EED: variants seen among roughly 807,000 people sequenced by gnomAD.
EED encodes polycomb protein EED.
EED carries 9 observed loss-of-function variants against 61.0 expected under a neutral mutation model. The ratio of observed to expected loss-of-function variants is 0.15; its 90% CI spans 0.09 to 0.26. EED has a LOEUF of 0.26. EED is among the 10% of genes least tolerant of loss of function. The pLI, the probability that EED is intolerant of heterozygous loss-of-function variation, is 1.00. For synonymous variants in EED, 187 were observed against 174.4 expected (o/e 1.07, Z -0.57); for missense variants, 315 against 542.3 (o/e 0.58, Z 4.16).
At chr11:86,261,557 G>A (rs1018790476) in intron 6 of EED, among the ~76,000 whole-genome samples, 1 of 152,238 alleles carries the variant, frequency 6.6e-6, no homozygotes, top group African/African-American at 2.4e-5. Context: ...TCCACCAGGT[G>A]TTGCTGTAGT....
At position 86,257,543 on chromosome 11, in the gene EED, A is replaced by G. The variant is rs1945710855; in HGVS notation, c.581A>G (p.Asn194Ser). 2 of 1,612,342 alleles carry G rather than the reference A, an allele frequency of 1.2e-6. No individual in the cohort carries two copies. The highest frequency in any genetic ancestry group is 1.7e-6 in the Non-Finnish European group (2 of 1,179,238). Reference protein sequence around the residue: ...KHYVGHGNAINELKFHPRDPN... With the variant: ...KHYVGHGNAISELKFHPRDPN... ...TATGTTGGCCATGGAAATGCTATCAATGAGCTGAAATTCCATCCAAGAGAT... is the reference window on the plus strand; with the variant it reads ...TATGTTGGCCATGGAAATGCTATCAGTGAGCTGAAATTCCATCCAAGAGAT... Residue 194 changes from asparagine to serine, a missense_variant, in exon 6 of 12, where the codon AAT (asparagine) becomes AGT (serine). Asn to Ser is a conservative substitution (Grantham distance 46). This residue lies in a region of EED where 205 missense variants were observed against 455.4 expected (regional missense o/e 0.45). Transcript: ENST00000263360.
chr11:86,256,874 G>T (rs1007376036), intron 5 of EED, among the ~76,000 whole-genome samples: 1 of 152,186 alleles, frequency 6.6e-6, no homozygotes, highest in Non-Finnish European at 1.5e-5. Context: ...ACATAAAGGT[G>T]AAGCCTAGGA....
chr11:86,263,515 T>C (rs1945893836), intron 6 of EED, among the ~76,000 whole-genome samples: 1 of 152,214 alleles, frequency 6.6e-6, no homozygotes, highest in South Asian at 2.1e-4. Flanking sequence ...GATGGATTAA[T>C]TAATTTCTTT....
At position 86,257,539 on chromosome 11, in the gene EED, A is replaced by G. The variant is rs374964622; in HGVS notation, c.577A>G (p.Ile193Val). The change falls in exon 6 of 12, where the codon ATC (isoleucine) becomes GTC (valine). Residue 193 changes from isoleucine to valine, a missense_variant. This residue lies in a region of EED where 205 missense variants were observed against 455.4 expected (regional missense o/e 0.45). Transcript: ENST00000263360. ...IKHYVGHGNA[I>V]NELKFHPRDP... ...GCACTATGTTGGCCATGGAAATGCT[A>G]TCAATGAGCTGAAATTCCATCCAAG... The G allele has an allele frequency of 9.3e-6, 15 of 1,612,240 alleles. No individual in the cohort carries two copies. The highest frequency in any genetic ancestry group is 2.7e-5 in the African/African-American group (2 of 74,860).
At chr11:86,275,139 G>A (rs1946199638) in intron 9 of EED, among the ~76,000 whole-genome samples, 1 of 152,064 alleles carries the variant, frequency 6.6e-6, no homozygotes, top group Non-Finnish European at 1.5e-5. Flanking sequence ...GAAACTCAAC[G>A]GTTATCGTTT....
downstream of EED, among the ~76,000 whole-genome samples, chr11:86,281,960 G>T (rs1946329086): frequency 6.6e-6 from 1 of 152,130 alleles, no homozygotes; most frequent in African/African-American, 2.4e-5. Context: ...GACAAGACAG[G>T]GTTGTTTTTC....
chr11:86,263,950 T>C (rs1038546784), intron 6 of EED: 49 of 506,944 alleles, frequency 9.7e-5, no homozygotes, highest in Admixed American at 3.7e-4. Context: ...GGGATTGAGT[T>C]TCTAGCACAT....
intron 6 of EED, among the ~76,000 whole-genome samples, chr11:86,263,320 C>T (rs1945886205): frequency 6.6e-6 from 1 of 152,218 alleles, no homozygotes; most frequent in African/African-American, 2.4e-5. Context: ...GCTCCACTCA[C>T]ACCAATATAG....
Position 86,256,604 on chromosome 11 carries a change from T to C in EED, c.552+92T>C, listed in dbSNP as rs1593734353. ...TTAAATTTAAAACTAATGGTATGAA[T>C]GTAACATTTCTCATTTGATTTGTAC... On this transcript the variant is annotated intron_variant, in intron 5 of 11. Coordinates refer to ENST00000263360, the MANE Select transcript of EED (RefSeq NM_003797.5). 4.0e-5 allele frequency: 49 copies of C among 1,227,676 alleles called. No individual in the cohort carries two copies. The East Asian group carries it at 1.3e-3, about 32-fold the overall frequency. 76.0% of individuals were successfully genotyped at this position (1,227,676 alleles called of 1,614,324 possible). A position where few individuals can be genotyped will look rare whatever the true frequency, so the allele number is the denominator to read the frequency against.
chr11:86,270,503 AT>A (rs1946090317), intron 9 of EED, among the ~76,000 whole-genome samples: 1 of 152,004 alleles, frequency 6.6e-6, no homozygotes, highest in South Asian at 2.1e-4. Flanking sequence ...CACAGAGCAA[AT>A]GTTTGTAGTT....
chr11:86,256,525 G>C lies in EED; in HGVS notation c.552+13G>C, dbSNP rs1280866336. On this transcript the variant is annotated intron_variant, in intron 5 of 11. Transcript: ENST00000263360. ...GCAGTGTATAAAGGTGGGTTTTTCT[G>C]GTTAAATTGTAGATCTGCTTCTTTT... 2 of 1,537,390 alleles carry C rather than the reference G, an allele frequency of 1.3e-6. No homozygotes were observed. Among genetic ancestry groups the C allele is most frequent in the Non-Finnish European group, 1.8e-6 (2 of 1,136,000 alleles).
chr11:86,286,237 C>T, the EED span, among the ~76,000 whole-genome samples: 2 of 150,616 alleles, frequency 1.3e-5, no homozygotes, highest in African/African-American at 2.4e-5. Flanking sequence ...GACGGGGTTT[C>T]GCCATGTTGG....
At chr11:86,279,388 G>A (rs1946298235), downstream of EED, among the ~76,000 whole-genome samples, 1 of 152,188 alleles carries the variant, frequency 6.6e-6, no homozygotes, top group African/African-American at 2.4e-5. Flanking sequence ...CTAGAAGGAT[G>A]TTACTGGCTA....
intron 9 of EED, among the ~76,000 whole-genome samples, chr11:86,275,388 C>T (rs572074115): frequency 5.9e-5 from 9 of 152,250 alleles, no homozygotes; most frequent in Non-Finnish European, 1.5e-5. Flanking sequence ...TATTGGTGGT[C>T]TCAAATCTGG....
At chr11:86,275,086 T>C (rs972671034) in intron 9 of EED, among the ~76,000 whole-genome samples, 5 of 152,162 alleles carry the variant, frequency 3.3e-5, no homozygotes, top group African/African-American at 1.2e-4. Flanking sequence ...TGCTGCCTTC[T>C]CTCTTATCTA....
Position 86,244,775 on chromosome 11 carries a change from A to C in EED, c.-455A>C. The C allele has an allele frequency of 4.3e-6, 1 of 232,280 alleles. No individual in the cohort carries two copies. 14.4% of individuals were successfully genotyped at this position (232,280 alleles called of 1,614,324 possible). A position where few individuals can be genotyped will look rare whatever the true frequency, so the allele number is the denominator to read the frequency against. ...CCCATTCCACAGACTTTCGCTCCCT[A>C]GCAGCGGGTCGGAGATCGAAGGAAC... On this transcript the variant is annotated 5_prime_UTR_variant, in exon 1 of 12. Transcript: ENST00000263360.
At chr11:86,258,926 G>T (rs1235657311) in intron 6 of EED, among the ~76,000 whole-genome samples, 1 of 151,438 alleles carries the variant, frequency 6.6e-6, no homozygotes, top group African/African-American at 2.4e-5. Context: ...GAGTGCAATG[G>T]CTCTATCTCG....
At chr11:86,287,171 A>G in the EED span, among the ~76,000 whole-genome samples, 8 of 151,874 alleles carry the variant, frequency 5.3e-5, no homozygotes, top group Non-Finnish European at 1.2e-4. Context: ...CTCAGCCTGC[A>G]GTGTGAAACA....
downstream of EED, among the ~76,000 whole-genome samples, chr11:86,280,564 A>T (rs566094461): frequency 6.6e-6 from 1 of 152,326 alleles, no homozygotes; most frequent in South Asian, 2.1e-4. Context: ...AATGGAAATC[A>T]AGAAGAAATT....
Sources: allele counts gnomAD v4.1 joint callset (sites outside exome capture counted in the v4.1 genomes callset), GRCh38; gene constraint gnomAD v4.1.1; regional missense constraint gnomAD v4.1.1; transcripts MANE v1.5; gene names NCBI Gene and HGNC (gene_info 2026-07-23, HGNC 2026-07-21).